GABRB1: variants seen among roughly 807,000 people sequenced by gnomAD.
GABRB1 encodes the protein gamma-aminobutyric acid type A receptor subunit beta1.
In GABRB1, 17 loss-of-function variants were observed where a neutral mutation model predicts 51.6. The observed-to-expected ratio is 0.33, with a 90% confidence interval of 0.23 to 0.49. The LOEUF (loss-of-function observed/expected upper bound fraction) is 0.49, where lower values mean the gene tolerates loss of function less well. Among genes scored for constraint, GABRB1 ranks in the 20% least tolerant of loss-of-function variants. The pLI is 0.99. For missense variants in GABRB1, 410 were observed against 600.6 expected, an observed-to-expected ratio of 0.68 and a Z score of 3.32; for synonymous variants, 247 against 218.9, an observed-to-expected ratio of 1.13 and a Z score of -1.14.
chr4:47,383,353 A>C (rs545701083), intron 5 of GABRB1, among the ~76,000 whole-genome samples: 1 of 152,304 alleles, frequency 6.6e-6, no homozygotes, highest in South Asian at 2.1e-4. Flanking sequence ...GTGAAAACTC[A>C]GGTCAGGGAC....
intron 4 of GABRB1, among the ~76,000 whole-genome samples, chr4:47,317,094 T>C (rs1724920502): frequency 6.6e-6 from 1 of 151,970 alleles, no homozygotes; most frequent in African/African-American, 2.4e-5. Flanking sequence ...TTGGCACCAT[T>C]GACATTTTGG....
At chr4:47,222,166 A>G (rs749935047) in intron 4 of GABRB1, among the ~76,000 whole-genome samples, 6 of 152,158 alleles carry the variant, frequency 3.9e-5, no homozygotes, top group Non-Finnish European at 8.8e-5. Context: ...TGTGTGTGCC[A>G]GGCTACTCAC....
At chr4:47,071,955 AC>A (rs1270532304) in intron 3 of GABRB1, among the ~76,000 whole-genome samples, 7 of 151,772 alleles carry the variant, frequency 4.6e-5, no homozygotes, top group Admixed American at 1.3e-4. Flanking sequence ...TATTTTGAGA[AC>A]CATTATGTGA....
At chr4:47,039,124 T>TA (rs1213257013) in intron 3 of GABRB1, among the ~76,000 whole-genome samples, 2 of 151,866 alleles carry the variant, frequency 1.3e-5, no homozygotes, top group African/African-American at 4.8e-5. Flanking sequence ...TGAAATCTTA[T>TA]AAAAAAGGCT....
intron 3 of GABRB1, among the ~76,000 whole-genome samples, chr4:47,118,338 T>C (rs1181523617): frequency 1.3e-5 from 2 of 152,166 alleles, no homozygotes; most frequent in Non-Finnish European, 2.9e-5. Flanking sequence ...CAGGACTCAA[T>C]GAGAAATTCT....
In GABRB1 at chr4:47,050,797, A is replaced by T. The variant is rs150998867; in HGVS notation, c.240+18313A>T. Reference sequence around the variant, plus strand: ...GAGAAAAACTTCAATCATAAATTCAATTTCAATATTACTGATGTTTCCTCT... The same window carrying T: ...GAGAAAAACTTCAATCATAAATTCATTTTCAATATTACTGATGTTTCCTCT... On this transcript the variant is annotated intron_variant, in intron 3 of 8. Coordinates refer to ENST00000295454, the MANE Select transcript of GABRB1 (RefSeq NM_000812.4). Among the ~76,000 whole-genome samples the T allele has an allele frequency of 3.7e-3, 557 of 152,238 alleles. 4 individuals carry two copies. The highest frequency in any genetic ancestry group is 0.01 in the Middle Eastern group (3 of 294).
At chr4:47,403,921 A>G (rs750910307) in intron 7 of GABRB1, among the ~76,000 whole-genome samples, 3 of 152,218 alleles carry the variant, frequency 2.0e-5, no homozygotes, top group Non-Finnish European at 4.4e-5. Flanking sequence ...CAAAACAAAC[A>G]AACAAAAATC....
At chr4:47,381,540 T>C (rs754355067) in intron 5 of GABRB1, among the ~76,000 whole-genome samples, 10 of 152,198 alleles carry the variant, frequency 6.6e-5, no homozygotes, top group Non-Finnish European at 1.0e-4. Flanking sequence ...AATTATCTCT[T>C]ACACTCCACA....
At chr4:47,172,403 C>T (rs1185592970) in intron 4 of GABRB1, among the ~76,000 whole-genome samples, 1 of 152,050 alleles carries the variant, frequency 6.6e-6, no homozygotes, top group Non-Finnish European at 1.5e-5. Flanking sequence ...GAAGTAGTGC[C>T]TCATCCTCCT....
chr4:47,064,480 C>CA lies in GABRB1; in HGVS notation c.240+32004dup, dbSNP rs200422972. ...TGAAACTCCGTCTCTACTACAAATA[C>CA]AAAAAAAATTAGCCAGGAGTGGTGG... On this transcript the variant is annotated intron_variant, in intron 3 of 8. Transcript: ENST00000295454. Among the ~76,000 whole-genome samples, 223 of 150,920 alleles carry CA rather than the reference C, an allele frequency of 1.5e-3. 5 individuals carry two copies. In the East Asian group the frequency reaches 0.04, roughly 27 times the overall value.
At chr4:47,202,155 G>A (rs1013341512) in intron 4 of GABRB1, among the ~76,000 whole-genome samples, 2 of 152,078 alleles carry the variant, frequency 1.3e-5, no homozygotes, top group African/African-American at 4.8e-5. Flanking sequence ...GAATCATCGG[G>A]GGCAGTTTCC....
At chr4:47,348,136 G>A (rs1449361786) in intron 5 of GABRB1, among the ~76,000 whole-genome samples, 2 of 152,114 alleles carry the variant, frequency 1.3e-5, no homozygotes, top group Non-Finnish European at 2.9e-5. Context: ...TCAAAACACG[G>A]TATTGTAGGT....
At position 47,104,035 on chromosome 4, in the gene GABRB1, C is replaced by A. The variant is rs372917239; in HGVS notation, c.241-57214C>A. ...GTAATTCCAAGTTCCTGTCTGGTAT[C>A]AGATTCTGCATGAAGAAATTTTTTA... is the stretch of plus-strand genomic sequence containing the variant. On this transcript the variant is annotated intron_variant, in intron 3 of 8. Transcript: ENST00000295454. Among the ~76,000 whole-genome samples the A allele has an allele frequency of 5.9e-5, 9 of 151,904 alleles. No individual in the cohort carries two copies. In the East Asian group the frequency reaches 1.7e-3, roughly 29 times the overall value.
At chr4:47,253,729 T>C (rs1010308448) in intron 4 of GABRB1, among the ~76,000 whole-genome samples, 1 of 152,210 alleles carries the variant, frequency 6.6e-6, no homozygotes, top group African/African-American at 2.4e-5. Flanking sequence ...TTCATTAAAG[T>C]TACCTATGTG....
intron 5 of GABRB1, among the ~76,000 whole-genome samples, chr4:47,350,970 C>A (rs913813781): frequency 3.3e-5 from 5 of 152,176 alleles, no homozygotes; most frequent in Admixed American, 2.0e-4. Context: ...AGTGGATGAA[C>A]AAAGTGATGT....
chr4:47,041,950 A>G (rs1328467820), intron 3 of GABRB1, among the ~76,000 whole-genome samples: 2 of 152,064 alleles, frequency 1.3e-5, no homozygotes, highest in Non-Finnish European at 2.9e-5. Flanking sequence ...AGAGAATTAT[A>G]CTGGAGAAAG....
intron 4 of GABRB1, among the ~76,000 whole-genome samples, chr4:47,205,196 C>T (rs1347106247): frequency 6.6e-6 from 1 of 152,148 alleles, no homozygotes; most frequent in Non-Finnish European, 1.5e-5. Context: ...GGCAAATTTA[C>T]ATGGACTGAT....
chr4:47,400,921 CTTTTTTTTTT>C (rs71195629), intron 5 of GABRB1, among the ~76,000 whole-genome samples: 1 of 98,542 alleles, frequency 1.0e-5, no homozygotes, highest in Admixed American at 1.3e-4. Context: ...TTGTTCTTCT[CTTTTTTTTTT>C]TTTTTTTTTT....
intron 1 of GABRB1, among the ~76,000 whole-genome samples, chr4:47,005,016 G>C (rs1341727133): frequency 6.6e-6 from 1 of 152,180 alleles, no homozygotes; most frequent in African/African-American, 2.4e-5. Context: ...GATGGAGAGA[G>C]AGCCAAAGCC....
Sources: allele counts gnomAD v4.1 joint callset (sites outside exome capture counted in the v4.1 genomes callset), GRCh38; gene constraint gnomAD v4.1.1; transcripts MANE v1.5; gene names NCBI Gene and HGNC (gene_info 2026-07-23, HGNC 2026-07-21).